XKR9: variants seen among roughly 807,000 people sequenced by gnomAD.
XKR9 encodes the protein XK related 9.
XKR9 carries 32 observed loss-of-function variants against 32.0 expected under a neutral mutation model. The ratio of observed to expected loss-of-function variants is 1.00; its 90% CI spans 0.76 to 1.34. The LOEUF is 1.34. XKR9 is among the 40% of genes most tolerant of loss of function. XKR9 has a pLI of 0.00. For synonymous variants in XKR9, 168 were observed against 143.4 expected, an observed-to-expected ratio of 1.17 and a Z score of -1.22; for missense variants, 546 against 429.7, an observed-to-expected ratio of 1.27 and a Z score of -2.39.
At chr8:70,682,985 A>G (rs62533067) in intron 3 of XKR9, among the ~76,000 whole-genome samples, 9,578 of 152,294 alleles carry the variant, frequency 0.063, 421 homozygotes, top group Non-Finnish European at 0.089. Flanking sequence ...ACTATAATCT[A>G]TTGAACTAGG....
Position 70,680,978 on chromosome 8 carries a change from G to A in XKR9, c.-81G>A. 1 of 1,339,016 alleles carries A rather than the reference G, an allele frequency of 7.5e-7. No individual in the cohort carries two copies. Among genetic ancestry groups the A allele is most frequent in the Non-Finnish European group, 1.0e-6 (1 of 972,746 alleles). 82.9% of individuals were successfully genotyped at this position (1,339,016 alleles called of 1,614,324 possible). A position where few individuals can be genotyped will look rare whatever the true frequency, so the allele number is the denominator to read the frequency against. Reference sequence around the variant, plus strand: ...TTAAAATTCAATGCTATACCAAAGGGTATACTAATATTTGTTTGGCTTTTT... The same window carrying A: ...TTAAAATTCAATGCTATACCAAAGGATATACTAATATTTGTTTGGCTTTTT... On this transcript the variant is annotated 5_prime_UTR_variant, in exon 3 of 5. Transcript: ENST00000408926.
the XKR9 span, among the ~76,000 whole-genome samples, chr8:70,836,807 C>A: frequency 2.0e-5 from 3 of 152,050 alleles, no homozygotes; most frequent in African/African-American, 7.2e-5. Context: ...AGGTGTCAGG[C>A]ACTATGCTGG....
the XKR9 span, among the ~76,000 whole-genome samples, chr8:70,894,600 C>G: frequency 6.6e-6 from 1 of 152,130 alleles, no homozygotes; most frequent in African/African-American, 2.4e-5. Context: ...GCCCAGGCAC[C>G]ATTTCCCTGG....
chr8:70,921,902 T>C, the XKR9 span, among the ~76,000 whole-genome samples: 1 of 152,204 alleles, frequency 6.6e-6, no homozygotes, highest in African/African-American at 2.4e-5. Context: ...AGCTTAGGAC[T>C]AGAAGAATTG....
At chr8:70,722,166 C>T (rs1806305487) in intron 4 of XKR9, among the ~76,000 whole-genome samples, 1 of 151,718 alleles carries the variant, frequency 6.6e-6, no homozygotes, top group African/African-American at 2.4e-5. Flanking sequence ...AAATATTCCT[C>T]CATCCCTTTA....
At chr8:70,729,569 AG>A (rs1315655130) in intron 4 of XKR9, among the ~76,000 whole-genome samples, 3 of 152,178 alleles carry the variant, frequency 2.0e-5, no homozygotes, top group Admixed American at 1.3e-4. Flanking sequence ...GTAGCTGATT[AG>A]GAAACCACCA....
chr8:70,941,647 A>T, the XKR9 span, among the ~76,000 whole-genome samples: 1 of 152,136 alleles, frequency 6.6e-6, no homozygotes, highest in Admixed American at 6.6e-5. Context: ...TTTCTTTGGA[A>T]ATTGAGTGTC....
At chr8:70,830,397 A>G in the XKR9 span, among the ~76,000 whole-genome samples, 60 of 151,178 alleles carry the variant, frequency 4.0e-4, no homozygotes, top group African/African-American at 1.4e-3. Flanking sequence ...CCTGGTCAGC[A>G]TGGCAAAACC....
chr8:70,998,482 G>A, the XKR9 span, among the ~76,000 whole-genome samples: 2 of 152,164 alleles, frequency 1.3e-5, no homozygotes, highest in African/African-American at 4.8e-5. Flanking sequence ...AATGGAAAAT[G>A]TGTACTTCCC....
the XKR9 span, among the ~76,000 whole-genome samples, chr8:71,061,102 C>A: frequency 1.3e-5 from 2 of 152,130 alleles, no homozygotes; most frequent in African/African-American, 4.8e-5. Flanking sequence ...AAATGAGGCA[C>A]AAAGAAGCAA....
intron 4 of XKR9, among the ~76,000 whole-genome samples, chr8:70,707,960 C>T (rs1248024161): frequency 1.3e-5 from 2 of 151,894 alleles, no homozygotes; most frequent in Admixed American, 1.3e-4. Context: ...CATTTAGTTT[C>T]GGATTTATTT....
At chr8:70,727,141 G>T (rs1181486687) in intron 4 of XKR9, among the ~76,000 whole-genome samples, 12 of 152,040 alleles carry the variant, frequency 7.9e-5, no homozygotes, top group Non-Finnish European at 1.8e-4. Flanking sequence ...TCTTGATGGA[G>T]CTTATGTTAA....
intron 2 of XKR9, among the ~76,000 whole-genome samples, chr8:70,758,407 T>C (rs944458762): frequency 6.6e-6 from 1 of 152,176 alleles, no homozygotes. Context: ...CAAATTGTGG[T>C]TCTTTGGACA....
At position 70,733,804 on chromosome 8, in the gene XKR9, A is replaced by G. The variant is rs200173028; in HGVS notation, c.502A>G (p.Ile168Val). The G allele has an allele frequency of 1.3e-6, 2 of 1,560,488 alleles. No individual in the cohort carries two copies. The highest frequency in any genetic ancestry group is 1.7e-6 in the Non-Finnish European group (2 of 1,161,466). The change falls in exon 5 of 5, where the codon ATC (isoleucine) becomes GTC (valine). Residue 168 changes from isoleucine to valine, a missense_variant. Transcript: ENST00000408926. ...GQANFSQYAA[I>V]MVSCCAISWS... Reference sequence around the variant, plus strand: ...ATTTTTTTGTTTTGTAGATGCGGCCATCATGGTCTCTTGCTGTGCTATTTC... The same window carrying G: ...ATTTTTTTGTTTTGTAGATGCGGCCGTCATGGTCTCTTGCTGTGCTATTTC...
At chr8:70,776,947 C>CTCTCTCTCTCTCTCTCTCTCTCTCTCTA in intron 2 of XKR9, among the ~76,000 whole-genome samples, 1 of 54,222 alleles carries the variant, frequency 1.8e-5, no homozygotes, top group African/African-American at 7.9e-5. Flanking sequence ...CTCTCTCTCT[C>CTCTCTCTCTCTCTCTCTCTCTCTCTCTA]TATATATATA....
At chr8:70,808,020 A>G in the XKR9 span, among the ~76,000 whole-genome samples, 1 of 151,522 alleles carries the variant, frequency 6.6e-6, no homozygotes, top group Non-Finnish European at 1.5e-5. Context: ...GAAGTAAACC[A>G]CTCCTTAGGA....
chr8:70,916,770 C>T, the XKR9 span, among the ~76,000 whole-genome samples: 1 of 151,738 alleles, frequency 6.6e-6, no homozygotes, highest in African/African-American at 2.4e-5. Flanking sequence ...TTTCATCTTC[C>T]AATCCATGAA....
chr8:70,847,821 A>C, the XKR9 span, among the ~76,000 whole-genome samples: 1 of 152,044 alleles, frequency 6.6e-6, no homozygotes, highest in African/African-American at 2.4e-5. Flanking sequence ...AGATTGAACC[A>C]GTAGTAAAAA....
In XKR9 at chr8:70,741,274, A is replaced by T. The variant is rs1332592938; in HGVS notation, n.352+34121A>T. Among the ~76,000 whole-genome samples, 4 of 152,212 alleles carry T rather than the reference A, an allele frequency of 2.6e-5. No individual in the cohort carries two copies. In the East Asian group the frequency reaches 7.7e-4, roughly 29 times the overall value. ...ATGGGACTGGTGGTTTTATGAGAAG[A>T]GGAAGAGAGACCTGAGCTAGCACAC... On this transcript the variant is annotated intron_variant and non_coding_transcript_variant, in intron 2 of 3. Coordinates refer to the XKR9 transcript ENST00000520273.
Sources: gnomAD v4.1 joint callset for allele counts (sites outside exome capture counted in the v4.1 genomes callset) on GRCh38, gnomAD v4.1.1 for gene constraint, MANE v1.5 for transcripts, NCBI Gene and HGNC (gene_info 2026-07-23, HGNC 2026-07-21) for gene names.